EEFSEC: variants seen among roughly 807,000 people sequenced by gnomAD.
EEFSEC encodes eukaryotic elongation factor, selenocysteine-tRNA specific.
In EEFSEC, 43 loss-of-function variants were observed where a neutral mutation model predicts 42.1. That is an observed-to-expected ratio of 1.02 (90% confidence interval 0.80 to 1.32). The LOEUF (loss-of-function observed/expected upper bound fraction) is 1.32, where lower values mean the gene tolerates loss of function less well. Ranked by LOEUF, EEFSEC falls within the 40% of genes most tolerant of loss-of-function variation. EEFSEC has a pLI of 0.00. For synonymous variants in EEFSEC, 354 were observed against 339.1 expected (o/e 1.04, Z -0.48); for missense variants, 745 against 803.6 (o/e 0.93, Z 0.88).
intron 2 of EEFSEC, among the ~76,000 whole-genome samples, chr3:128,261,551 CTTTT>C (rs386397883): frequency 1.6e-4 from 17 of 106,884 alleles, no homozygotes; most frequent in African/African-American, 4.9e-4. Context: ...CTCTTTCCCT[CTTTT>C]TTTTTTTTTT....
intron 4 of EEFSEC, among the ~76,000 whole-genome samples, chr3:128,305,892 G>C (rs2066820833): frequency 6.6e-6 from 1 of 152,122 alleles, no homozygotes; most frequent in African/African-American, 2.4e-5. Context: ...TAGTTACCTA[G>C]GTGTTTAAGG....
chr3:128,271,980 G>A (rs1344432787), intron 4 of EEFSEC, among the ~76,000 whole-genome samples: 1 of 152,176 alleles, frequency 6.6e-6, no homozygotes, highest in Non-Finnish European at 1.5e-5. Context: ...TGCTCTCTGT[G>A]TATCAGGCAG....
At chr3:128,157,017 G>T (rs1382268334) in intron 1 of EEFSEC, among the ~76,000 whole-genome samples, 2 of 152,228 alleles carry the variant, frequency 1.3e-5, no homozygotes, top group Admixed American at 6.5e-5. Context: ...AGTTTTGGAC[G>T]CAAAGGAAAA....
intron 6 of EEFSEC, among the ~76,000 whole-genome samples, chr3:128,371,259 G>A (rs1235217299): frequency 6.6e-6 from 1 of 152,068 alleles, no homozygotes; most frequent in Non-Finnish European, 1.5e-5. Context: ...AGGGGAGGAG[G>A]AGCTTACTCC....
chr3:128,337,037 C>G (rs977564340), intron 4 of EEFSEC: 2 of 152,206 alleles, frequency 1.3e-5, no homozygotes, highest in Non-Finnish European at 2.9e-5. Flanking sequence ...GAGAGGCCCT[C>G]AAAGTTGGCT....
intron 1 of EEFSEC, 63 bp downstream of exon 1, chr3:128,153,886 T>C (rs1318924632): frequency 2.1e-6 from 3 of 1,438,170 alleles, no homozygotes; most frequent in South Asian, 1.5e-5. Flanking sequence ...GGGCCCCGTG[T>C]CCGAATTCGC....
chr3:128,169,678 T>C (rs970674047), intron 1 of EEFSEC, among the ~76,000 whole-genome samples: 6 of 152,262 alleles, frequency 3.9e-5, no homozygotes, highest in African/African-American at 1.4e-4. Flanking sequence ...TGATTGTGTT[T>C]GGTCATTAAA....
chr3:128,180,226 G>C (rs966407129), intron 1 of EEFSEC, among the ~76,000 whole-genome samples: 10 of 152,160 alleles, frequency 6.6e-5, no homozygotes, highest in African/African-American at 2.4e-4. Flanking sequence ...GAGTACTTAA[G>C]ACAAAACTAC....
chr3:128,410,496 TC>T (rs1166909403), downstream of EEFSEC, among the ~76,000 whole-genome samples: 2 of 152,050 alleles, frequency 1.3e-5, no homozygotes, highest in Admixed American at 6.5e-5. Context: ...TGGGGCCAGA[TC>T]AGGTGTGGAG....
intron 1 of EEFSEC, among the ~76,000 whole-genome samples, chr3:128,233,050 C>A (rs923650117): frequency 6.6e-6 from 1 of 152,164 alleles, no homozygotes; most frequent in African/African-American, 2.4e-5. Flanking sequence ...TGATGCCTGG[C>A]GCATCATTAA....
the EEFSEC span, among the ~76,000 whole-genome samples, chr3:128,421,778 C>A: frequency 6.6e-6 from 1 of 152,196 alleles, no homozygotes; most frequent in East Asian, 1.9e-4. Context: ...CACCTCTGGC[C>A]TGGCTGACCT....
chr3:128,296,291 A>G (rs899403894), intron 4 of EEFSEC, among the ~76,000 whole-genome samples: 2 of 152,160 alleles, frequency 1.3e-5, no homozygotes, highest in Non-Finnish European at 1.5e-5. Context: ...GTATGCAGAA[A>G]GGGTGAGTGG....
intron 1 of EEFSEC, among the ~76,000 whole-genome samples, chr3:128,235,412 G>A (rs1171296938): frequency 1.3e-5 from 2 of 152,136 alleles, no homozygotes; most frequent in Non-Finnish European, 2.9e-5. Context: ...AGTCAGTAAC[G>A]TATGTATGTA....
intron 1 of EEFSEC, among the ~76,000 whole-genome samples, chr3:128,191,746 A>G (rs1460250327): frequency 6.6e-6 from 1 of 152,158 alleles, no homozygotes; most frequent in Non-Finnish European, 1.5e-5. Flanking sequence ...ATTTAGCATA[A>G]TGTCCTCAAG....
chr3:128,259,943 T>C (rs182798713), intron 2 of EEFSEC, among the ~76,000 whole-genome samples: 1 of 152,328 alleles, frequency 6.6e-6, no homozygotes, highest in East Asian at 1.9e-4. Context: ...GAGATGTTTC[T>C]ACTTTTTGGC....
chr3:128,256,281 G>A (rs550706327), intron 2 of EEFSEC, among the ~76,000 whole-genome samples: 3 of 152,032 alleles, frequency 2.0e-5, no homozygotes, highest in Non-Finnish European at 2.9e-5. Flanking sequence ...TGTTTTCTTT[G>A]TGTTTATTTT....
intron 4 of EEFSEC, among the ~76,000 whole-genome samples, chr3:128,290,569 C>CTTT (rs1266674662): frequency 7.1e-6 from 1 of 140,956 alleles, no homozygotes. Context: ...TCCAAGTCAA[C>CTTT]TTTTTTTTTT....
chr3:128,357,805 G>GT (rs2067474107), intron 5 of EEFSEC, among the ~76,000 whole-genome samples: 1 of 151,898 alleles, frequency 6.6e-6, no homozygotes, highest in African/African-American at 2.4e-5. Flanking sequence ...CCCCCCAGGG[G>GT]TGGGGGGGGC....
intron 4 of EEFSEC, among the ~76,000 whole-genome samples, chr3:128,304,001 G>A (rs2066798656): frequency 6.7e-6 from 1 of 149,742 alleles, no homozygotes; most frequent in Non-Finnish European, 1.5e-5. Flanking sequence ...TTTTATTGTT[G>A]TCTTATTGAT....
Sources: allele counts gnomAD v4.1 joint callset (sites outside exome capture counted in the v4.1 genomes callset), GRCh38; gene constraint gnomAD v4.1.1; transcripts MANE v1.5; gene names NCBI Gene and HGNC (gene_info 2026-07-23, HGNC 2026-07-21).